The following CAB39L variants were observed in gnomAD, a reference collection of about 807,000 sequenced individuals.
CAB39L encodes the protein calcium-binding protein 39-like.
Under a neutral mutation model 39.1 loss-of-function variants are expected in CAB39L, and 23 were observed. That is an observed-to-expected ratio of 0.59 (90% confidence interval 0.42 to 0.83). The LOEUF (loss-of-function observed/expected upper bound fraction) is 0.83, where lower values mean the gene tolerates loss of function less well. Ranked by LOEUF, CAB39L falls within the 40% of genes least tolerant of loss-of-function variation. The probability of loss-of-function intolerance (pLI) is 0.00; values close to 1 mark genes in which losing one functional copy is unlikely to be tolerated. For synonymous variants in CAB39L, 126 were observed against 137.2 expected, an observed-to-expected ratio of 0.92 and a Z score of 0.57; for missense variants, 366 against 391.9, an observed-to-expected ratio of 0.93 and a Z score of 0.56.
At chr13:49,344,132 G>C (rs902018936) in intron 8 of CAB39L, 47 bp downstream of exon 8, 1 of 1,097,280 alleles carries the variant, frequency 9.1e-7, no homozygotes, top group Non-Finnish European at 1.4e-6. Flanking sequence ...ATCTAAAAGG[G>C]AGGGAGAGAG....
chr13:49,435,080 T>C (rs1270636489), intron 1 of CAB39L, among the ~76,000 whole-genome samples: 1 of 152,224 alleles, frequency 6.6e-6, no homozygotes, highest in Admixed American at 6.5e-5. Flanking sequence ...ATTGCATACT[T>C]TTCCATGCCT....
chr13:49,410,750 GCAAA>G (rs1406750310), intron 3 of CAB39L, among the ~76,000 whole-genome samples: 1 of 152,144 alleles, frequency 6.6e-6, no homozygotes, highest in Non-Finnish European at 1.5e-5. Context: ...GCCATTTATG[GCAAA>G]CAAACACATA....
chr13:49,311,074 A>G, intron 10 of CAB39L, 81 bp from the exon 11 acceptor site: 1 of 1,258,818 alleles, frequency 7.9e-7, no homozygotes, highest in African/African-American at 1.5e-5. Flanking sequence ...CAGGGACCTC[A>G]CCCACACTAC....
chr13:49,414,033 C>G (rs890693708), intron 3 of CAB39L: 2 of 152,188 alleles, frequency 1.3e-5, no homozygotes, highest in Non-Finnish European at 2.9e-5. Flanking sequence ...ACAACCGTCT[C>G]CAAATACTTG....
At chr13:49,393,052 A>G (rs974118474) in intron 3 of CAB39L, 1 of 152,154 alleles carries the variant, frequency 6.6e-6, no homozygotes, top group Admixed American at 6.5e-5. Flanking sequence ...CAATCACGCT[A>G]TCATTACCAT....
At chr13:49,329,534 TAAA>T (rs777940622) in intron 10 of CAB39L, among the ~76,000 whole-genome samples, 132 of 17,358 alleles carry the variant, frequency 7.6e-3, no homozygotes, top group Non-Finnish European at 9.0e-3. Flanking sequence ...TCTCTTCAAT[TAAA>T]AAAAAAAATA....
intron 8 of CAB39L, among the ~76,000 whole-genome samples, chr13:49,341,932 G>A (rs1358783189): frequency 6.6e-6 from 1 of 152,094 alleles, no homozygotes; most frequent in Non-Finnish European, 1.5e-5. Context: ...AGTTGATTCT[G>A]TGGCTATTTC....
rs1953955381 is a variant in CAB39L, at chr13:49,310,612, TCA to T, written c.*200_*201del. The T allele has an allele frequency of 4.2e-6, 2 of 479,926 alleles. No homozygotes were observed. Among genetic ancestry groups the T allele is most frequent in the East Asian group, 3.1e-5 (1 of 32,012 alleles). 29.7% of individuals were successfully genotyped at this position (479,926 alleles called of 1,614,324 possible). The stretch of plus-strand genomic sequence containing the variant: ...AATGGTTCTCATTTCACATAAATAA[TCA>T]CAGACTTGACTAAAATGAATATATT... On this transcript the variant is annotated 3_prime_UTR_variant, in exon 11 of 11. Transcript: ENST00000409308.
intron 9 of CAB39L, among the ~76,000 whole-genome samples, chr13:49,339,125 C>CTTT (rs1215081648): frequency 1.1e-3 from 112 of 99,888 alleles, no homozygotes; most frequent in East Asian, 2.6e-3. Context: ...TTTTACATGT[C>CTTT]TTTTTTTTTT....
intron 3 of CAB39L, among the ~76,000 whole-genome samples, chr13:49,396,464 T>C (rs948766226): frequency 3.9e-5 from 6 of 152,158 alleles, no homozygotes; most frequent in African/African-American, 1.4e-4. Context: ...ATCCCAGCAC[T>C]TTGCGGGGCT....
At chr13:49,375,118 C>T (rs971836691) in intron 5 of CAB39L, among the ~76,000 whole-genome samples, 6 of 152,082 alleles carry the variant, frequency 3.9e-5, no homozygotes, top group Non-Finnish European at 8.8e-5. Context: ...TACTACTTGA[C>T]ATTTGTATAC....
chr13:49,332,056 A>G lies in CAB39L; in HGVS notation c.725T>C (p.Phe242Ser). ...GCTGATATACTTTGTCATGATGGCA[A>G]AGTTGTGACGGTCCAGGATCAGCTC... ...LGELILDRHN[F>S]AIMTKYISKP... is the part of the protein sequence containing the mutation. Residue 242 changes from phenylalanine to serine, a missense_variant, in exon 10 of 11, where the codon TTT becomes TCT. By Grantham distance (155) the Phe-to-Ser change is radical. Transcript: ENST00000409308. The G allele has an allele frequency of 6.2e-7, 1 of 1,614,144 alleles. No individual in the cohort carries two copies. The highest frequency in any genetic ancestry group is 1.1e-5 in the South Asian group (1 of 91,078).
intron 3 of CAB39L, among the ~76,000 whole-genome samples, chr13:49,420,705 T>C (rs375790819): frequency 1.3e-5 from 2 of 152,236 alleles, no homozygotes; most frequent in African/African-American, 4.8e-5. Flanking sequence ...TTTATTGAGA[T>C]AGAATTAATG....
intron 6 of CAB39L, among the ~76,000 whole-genome samples, chr13:49,355,128 C>G (rs547987332): frequency 1.1e-4 from 17 of 151,646 alleles, no homozygotes; most frequent in Non-Finnish European, 1.8e-4. Flanking sequence ...ATAATCCCAG[C>G]ACTTTGGGAG....
intron 7 of CAB39L, among the ~76,000 whole-genome samples, chr13:49,350,462 CCA>C: frequency 6.6e-6 from 1 of 152,286 alleles, no homozygotes; most frequent in African/African-American, 2.4e-5. Context: ...TGACAGCATG[CCA>C]CACACAGAGC....
At chr13:49,381,834 T>C (rs535625496) in intron 4 of CAB39L, among the ~76,000 whole-genome samples, 18 of 152,354 alleles carry the variant, frequency 1.2e-4, no homozygotes, top group Admixed American at 1.0e-3. Context: ...TCTTGTACAT[T>C]TTTCCTGGTG....
At chr13:49,416,510 G>A (rs2138699577) in intron 3 of CAB39L, among the ~76,000 whole-genome samples, 1 of 152,310 alleles carries the variant, frequency 6.6e-6, no homozygotes, top group East Asian at 1.9e-4. Flanking sequence ...TGAGTGGAAA[G>A]CCACAGTTTG....
intron 3 of CAB39L, among the ~76,000 whole-genome samples, chr13:49,391,182 T>C (rs560006170): frequency 2.6e-5 from 4 of 152,234 alleles, no homozygotes; most frequent in African/African-American, 7.2e-5. Flanking sequence ...TCACACCAAA[T>C]GACAGAAGGC....
intron 3 of CAB39L, chr13:49,420,479 T>C (rs1159387110): frequency 2.0e-5 from 3 of 152,274 alleles, no homozygotes; most frequent in African/African-American, 7.2e-5. Flanking sequence ...AAACGCTGTT[T>C]ATTTCATCAC....
Sources: gnomAD v4.1 joint callset for allele counts (sites outside exome capture counted in the v4.1 genomes callset) on GRCh38, gnomAD v4.1.1 for gene constraint, MANE v1.5 for transcripts, NCBI Gene and HGNC (gene_info 2026-07-23, HGNC 2026-07-21) for gene names.